ARGLU1: variants seen among roughly 807,000 people sequenced by gnomAD.
ARGLU1 encodes the protein arginine and glutamate rich 1.
Under a neutral mutation model 37.6 loss-of-function variants are expected in ARGLU1, and 9 were observed. The observed-to-expected ratio is 0.24, with a 90% CI of 0.14 to 0.42. The LOEUF is 0.42. ARGLU1 is among the 10% of genes least tolerant of loss of function. The probability of loss-of-function intolerance (pLI) is 1.00; values close to 1 mark genes in which losing one functional copy is unlikely to be tolerated. For missense variants in ARGLU1, 211 were observed against 359.2 expected (o/e 0.59, Z 3.34); for synonymous variants, 166 against 138.5 (o/e 1.20, Z -1.39).
chr13:106,567,744 C>G lies in ARGLU1; in HGVS notation c.176G>C (p.Arg59Pro), dbSNP rs751144067. The G allele has an allele frequency of 6.2e-7, 1 of 1,611,802 alleles. No individual in the cohort carries two copies. Among genetic ancestry groups the G allele is most frequent in the African/African-American group, 1.3e-5 (1 of 74,738 alleles). The change falls in exon 1 of 4, where the codon CGC becomes CCC. Residue 59 changes from arginine (R) to proline (P), a missense_variant. Physicochemically the swap from Arg to Pro is moderately radical, Grantham distance 103 (BLOSUM62 -2). Coordinates refer to ENST00000400198, the MANE Select transcript of ARGLU1 (RefSeq NM_018011.4). The surrounding 1 kb of genome is among the most constrained non-coding windows in gnomAD (Gnocchi z 4.3). ...NRRRESRSRS[R>P]STNTAVSRRE... is the part of the protein sequence containing the mutation. The stretch of plus-strand genomic sequence containing the variant: ...CCGGGACACGGCCGTGTTGGTGGAG[C>G]GCGAACGGGACCGCGACTCCCGCCG...
chr13:106,542,173 T>G lies in ARGLU1; in HGVS notation c.*1823A>C, dbSNP rs1166583126. 6.6e-6 allele frequency: 1 copy of G among 152,134 alleles called. No homozygotes were observed. Among genetic ancestry groups the G allele is most frequent in the Non-Finnish European group, 1.5e-5 (1 of 68,000 alleles). The allele number at this position is 152,134 out of a possible 1,614,324, so 9.4% of individuals were successfully genotyped here. A position where few individuals can be genotyped will look rare whatever the true frequency, so the allele number is the denominator to read the frequency against. On this transcript the variant is annotated 3_prime_UTR_variant, in exon 4 of 4. Transcript: ENST00000400198. ...CACGCATAAGCTGATTTCAAATATTTTAAGTCCAGGCTACTCTCTTTAGAT... is the reference window on the plus strand; with the variant it reads ...CACGCATAAGCTGATTTCAAATATTGTAAGTCCAGGCTACTCTCTTTAGAT...
chr13:106,548,346 T>A (rs79116722), intron 3 of ARGLU1, among the ~76,000 whole-genome samples: 5,141 of 152,284 alleles, frequency 0.034, 311 homozygotes, highest in African/African-American at 0.12. Context: ...CTGTAGTAAC[T>A]TTTTCTTTCC....
chr13:106,544,614 ATTGT>A (rs1880345860), intron 3 of ARGLU1, among the ~76,000 whole-genome samples: 2 of 152,188 alleles, frequency 1.3e-5, no homozygotes, highest in Non-Finnish European at 2.9e-5. Context: ...AGATTAATAG[ATTGT>A]TAATTATAAA....
chr13:106,553,031 G>A (rs978616539), intron 3 of ARGLU1, among the ~76,000 whole-genome samples: 1 of 152,066 alleles, frequency 6.6e-6, no homozygotes, highest in African/African-American at 2.4e-5. Context: ...TTCAATCTGT[G>A]AACTTGTGTC....
chr13:106,561,428 C>CAA (rs1555327287), intron 1 of ARGLU1, among the ~76,000 whole-genome samples: 1 of 31,596 alleles, frequency 3.2e-5, no homozygotes, highest in African/African-American at 7.6e-5. Context: ...AAAGTGTACA[C>CAA]ACACACACAC....
At chr13:106,562,588 C>T (rs1463992508) in intron 1 of ARGLU1, among the ~76,000 whole-genome samples, 1 of 152,136 alleles carries the variant, frequency 6.6e-6, no homozygotes, top group African/African-American at 2.4e-5. Context: ...ATCCATTTCC[C>T]TGCCAATAAT....
chr13:106,567,926 G>T lies in ARGLU1; in HGVS notation c.-7C>A. 5 of 1,604,574 alleles carry T rather than the reference G, an allele frequency of 3.1e-6. No homozygotes were observed. Among genetic ancestry groups the T allele is most frequent in the Non-Finnish European group, 4.2e-6 (5 of 1,178,792 alleles). On this transcript the variant is annotated 5_prime_UTR_variant, in exon 1 of 4. Coordinates refer to ENST00000400198, the MANE Select transcript of ARGLU1 (RefSeq NM_018011.4). This position sits in a 1 kb window ranked among gnomAD's most constrained non-coding sequence, Gnocchi z 4.3. ...GGCTCCGAGACCGGCCCATCCTTCC[G>T]GGAGACGCTCTAACCGCTCGCCTCA...
chr13:106,563,732 G>C (rs1880880602), intron 1 of ARGLU1, among the ~76,000 whole-genome samples: 1 of 152,162 alleles, frequency 6.6e-6, no homozygotes, highest in African/African-American at 2.4e-5. Flanking sequence ...CCAAAAATAT[G>C]CGGTTCCATA....
At chr13:106,545,829 G>GCA (rs1426016457) in intron 3 of ARGLU1, among the ~76,000 whole-genome samples, 1 of 152,176 alleles carries the variant, frequency 6.6e-6, no homozygotes, top group Non-Finnish European at 1.5e-5. Context: ...TGGCAGGTGA[G>GCA]CATGGTGGAA....
chr13:106,549,323 C>T (rs1325019492), intron 3 of ARGLU1, among the ~76,000 whole-genome samples: 2 of 152,136 alleles, frequency 1.3e-5, no homozygotes, highest in Admixed American at 1.3e-4. Flanking sequence ...AATGTGATTT[C>T]TACATTTTAA....
chr13:106,547,401 T>A (rs1241624068), intron 3 of ARGLU1, among the ~76,000 whole-genome samples: 1 of 152,154 alleles, frequency 6.6e-6, no homozygotes, highest in South Asian at 2.1e-4. Context: ...GAAACTGATA[T>A]ATTTACAGGG....
rs1288638179 is a variant in ARGLU1 at position 106,557,594 on chromosome 13, G to A, written c.574-463C>T. 6.2e-7 allele frequency: 1 copy of A among 1,607,352 alleles called. No individual in the cohort carries two copies. The highest frequency in any genetic ancestry group is 8.5e-7 in the Non-Finnish European group (1 of 1,177,422). ...AGTGTCCTGCAGAGTGTGCTCCTCGGCTGCCATACGCGCCAGCTTCCTCTT... is the reference window on the plus strand; with the variant it reads ...AGTGTCCTGCAGAGTGTGCTCCTCGACTGCCATACGCGCCAGCTTCCTCTT... On this transcript the variant is annotated intron_variant, in intron 2 of 3. Coordinates refer to ENST00000400198, the MANE Select transcript of ARGLU1 (RefSeq NM_018011.4). The surrounding 1 kb of genome is among the most constrained non-coding windows in gnomAD (Gnocchi z 5.0).
Position 106,567,986 on chromosome 13 carries a change from C to T in ARGLU1, c.-67G>A. 1 of 1,519,800 alleles carries T rather than the reference C, an allele frequency of 6.6e-7. No homozygotes were observed. Among genetic ancestry groups the T allele is most frequent in the Non-Finnish European group, 8.7e-7 (1 of 1,146,138 alleles). The allele number at this position is 1,519,800 out of a possible 1,614,324, so 94.1% of individuals were successfully genotyped here. ...CGCGGCCAGTTCCCCTCGCCTCCGC[C>T]TTCGGACGCGGGCTGGCGGTTCTAC... On this transcript the variant is annotated 5_prime_UTR_variant, in exon 1 of 4. Coordinates refer to ENST00000400198, the MANE Select transcript of ARGLU1 (RefSeq NM_018011.4). This position sits in a 1 kb window ranked among gnomAD's most constrained non-coding sequence, Gnocchi z 4.3.
At chr13:106,565,972 C>A (rs749196981) in intron 1 of ARGLU1, among the ~76,000 whole-genome samples, 1 of 152,162 alleles carries the variant, frequency 6.6e-6, no homozygotes, top group African/African-American at 2.4e-5. Context: ...TAGTGAAAGG[C>A]AAGTTATTAC....
At chr13:106,550,684 A>G (rs77004510) in intron 3 of ARGLU1, among the ~76,000 whole-genome samples, 2,168 of 152,316 alleles carry the variant, frequency 0.014, 58 homozygotes, top group African/African-American at 0.049. Context: ...GTATCACTGG[A>G]ACAAAAATCA....
At chr13:106,564,150 A>T (rs1880892294) in intron 1 of ARGLU1, among the ~76,000 whole-genome samples, 1 of 152,194 alleles carries the variant, frequency 6.6e-6, no homozygotes, top group African/African-American at 2.4e-5. Context: ...TTCAAAATTG[A>T]GGGCAAAAGT....
rs1487387834 is a variant in ARGLU1, at chr13:106,567,795, T to C, written c.125A>G (p.Lys42Arg). Residue 42 changes from lysine (K) to arginine (R), a missense_variant, in exon 1 of 4, where the codon AAA becomes AGA. Lys to Arg is a conservative substitution (Grantham distance 26, BLOSUM62 2). Around this residue, in one of 3 missense-constraint regions of ARGLU1, gnomAD observed 130 missense variants for 179.8 expected, o/e 0.72. Coordinates refer to ENST00000400198, the MANE Select transcript of ARGLU1 (RefSeq NM_018011.4). The surrounding 1 kb of genome is among the most constrained non-coding windows in gnomAD (Gnocchi z 4.3). Reference protein sequence around the residue: ...RDKERVRKRSKSRESKRNRRR... With the variant: ...RDKERVRKRSRSRESKRNRRR... ...CCGGTTCCGTTTACTTTCCCGAGAT[T>C]TGGAACGCTTCCGCACGCGCTCCTT... The C allele has an allele frequency of 6.2e-7, 1 of 1,613,416 alleles. No individual in the cohort carries two copies. Among genetic ancestry groups the C allele is most frequent in the East Asian group, 2.2e-5 (1 of 44,764 alleles).
Position 106,559,666 on chromosome 13 carries a change from C to T in ARGLU1, c.348-9G>A, listed in dbSNP as rs1158497947. ...CTATTTCTTGCTGTCGACTAGCAAACAAAGTGAAAAAAACAAGTTAGGTAT... is the reference window on the plus strand; with the variant it reads ...CTATTTCTTGCTGTCGACTAGCAAATAAAGTGAAAAAAACAAGTTAGGTAT... On this transcript the variant is annotated splice_polypyrimidine_tract_variant and intron_variant, in intron 1 of 3. Transcript: ENST00000400198. The T allele has an allele frequency of 6.3e-7, 1 of 1,596,084 alleles. No individual in the cohort carries two copies. Among genetic ancestry groups the T allele is most frequent in the Non-Finnish European group, 8.5e-7 (1 of 1,173,232 alleles).
chr13:106,559,364 G>C (rs768980339), intron 2 of ARGLU1, 68 bp downstream of exon 2: 4 of 1,597,822 alleles, frequency 2.5e-6, no homozygotes, highest in Non-Finnish European at 2.6e-6. Flanking sequence ...GAACTGAGCA[G>C]GAGGCAGAAC....
Sources: allele counts gnomAD v4.1 joint callset (sites outside exome capture counted in the v4.1 genomes callset), GRCh38; gene constraint gnomAD v4.1.1; regional missense constraint gnomAD v4.1.1; non-coding constraint Gnocchi (gnomAD v3.1); transcripts MANE v1.5; gene names NCBI Gene and HGNC (gene_info 2026-07-23, HGNC 2026-07-21).